Variants in SHROOM3 observed in about 807,000 individuals in gnomAD.
SHROOM3 encodes the protein shroom family member 3.
A neutral mutation model predicts 138.6 loss-of-function variants in SHROOM3; 47 were observed. The ratio of observed to expected loss-of-function variants is 0.34; its 90% confidence interval spans 0.27 to 0.43. The LOEUF (loss-of-function observed/expected upper bound fraction) is 0.43, where lower values mean the gene tolerates loss of function less well. Among genes scored for constraint, SHROOM3 ranks in the 20% least tolerant of loss-of-function variants. The pLI is 1.00. For synonymous variants in SHROOM3, 1,062 were observed against 1,063.3 expected, an observed-to-expected ratio of 1.00 and a Z score of 0.02; for missense variants, 2,491 against 2,596.5, an observed-to-expected ratio of 0.96 and a Z score of 0.88.
intron 2 of SHROOM3, among the ~76,000 whole-genome samples, chr4:76,593,659 C>T (rs1437978377): frequency 1.3e-5 from 2 of 152,160 alleles, no homozygotes; most frequent in Middle Eastern, 3.2e-3. Flanking sequence ...AACTTGACTT[C>T]TAAGATCCCT....
At chr4:76,467,955 C>T (rs1359083319) in intron 1 of SHROOM3, among the ~76,000 whole-genome samples, 2 of 152,168 alleles carry the variant, frequency 1.3e-5, no homozygotes, top group Non-Finnish European at 2.9e-5. Context: ...AAACTAGCTC[C>T]ATTATTCTAG....
chr4:76,636,920 T>C (rs1735513688), intron 2 of SHROOM3, among the ~76,000 whole-genome samples: 1 of 152,230 alleles, frequency 6.6e-6, no homozygotes, highest in Non-Finnish European at 1.5e-5. Context: ...AGTTCACATT[T>C]ATTTCAATGA....
rs1721266625 is a variant in SHROOM3, at chr4:76,741,812, G to A, written c.3639G>A (p.Gly1213=). Reference sequence around the variant, plus strand: ...CCCCCAGGGAGCCATCCTCCTGGGGGGCCAGGGCCGGGAAGTCCATGTCGG... The same window carrying A: ...CCCCCAGGGAGCCATCCTCCTGGGGAGCCAGGGCCGGGAAGTCCATGTCGG... ...DETPREPSSW[G]ARAGKSMSAE... is the part of the protein sequence containing the mutation. Residue 1213 remains glycine, a synonymous_variant, in exon 5 of 11, where the codon GGG becomes GGA. Transcript: ENST00000296043. This position sits in a 1 kb window ranked among gnomAD's most constrained non-coding sequence, Gnocchi z 6.2. The A allele has an allele frequency of 6.3e-7, 1 of 1,588,208 alleles. No homozygotes were observed. The highest frequency in any genetic ancestry group is 8.6e-7 in the Non-Finnish European group (1 of 1,167,928).
chr4:76,774,921 T>C (rs1300678640), intron 10 of SHROOM3, among the ~76,000 whole-genome samples: 4 of 152,114 alleles, frequency 2.6e-5, no homozygotes, highest in Non-Finnish European at 5.9e-5. Context: ...AGTGATCTTA[T>C]TTCTTGATTG....
intron 1 of SHROOM3, among the ~76,000 whole-genome samples, chr4:76,474,094 A>T (rs1731433916): frequency 6.6e-6 from 1 of 152,272 alleles, no homozygotes; most frequent in African/African-American, 2.4e-5. Flanking sequence ...CATTGATGAA[A>T]TATTATTCAG....
intron 3 of SHROOM3, among the ~76,000 whole-genome samples, chr4:76,713,623 A>G (rs1430835020): frequency 6.6e-6 from 1 of 152,258 alleles, no homozygotes; most frequent in Non-Finnish European, 1.5e-5. Flanking sequence ...TAGTAAATAC[A>G]TAAGCCAGTA....
chr4:76,634,732 T>G, intron 2 of SHROOM3, among the ~76,000 whole-genome samples: 1 of 152,336 alleles, frequency 6.6e-6, no homozygotes, highest in Non-Finnish European at 1.5e-5. Context: ...CACTTGTTCT[T>G]TGAAGGGTGA....
chr4:76,772,867 G>A (rs997696224), intron 10 of SHROOM3, among the ~76,000 whole-genome samples: 7 of 152,148 alleles, frequency 4.6e-5, no homozygotes, highest in African/African-American at 1.2e-4. Context: ...CTTCTCAGGT[G>A]GGGGAGCGTA....
chr4:76,478,940 A>G (rs1423368514), intron 1 of SHROOM3, among the ~76,000 whole-genome samples: 4 of 152,182 alleles, frequency 2.6e-5, no homozygotes, highest in Non-Finnish European at 4.4e-5. Flanking sequence ...ATCAACATCA[A>G]CAAAAAGGAT....
rs1720457556 is a variant in SHROOM3, at chr4:76,718,974, G to C, written c.455+8687G>C. On this transcript the variant is annotated intron_variant, in intron 3 of 10. Coordinates refer to ENST00000296043, the MANE Select transcript of SHROOM3 (RefSeq NM_020859.4). The stretch of plus-strand genomic sequence containing the variant: ...ATTAAGGAGGAAGGTTTCCTGCTTA[G>C]GGGTAGCCTTCTCCGGGCACTCAGC... Among the ~76,000 whole-genome samples the C allele has an allele frequency of 1.3e-5, 2 of 152,150 alleles. 1 individual carries two copies. Among genetic ancestry groups the C allele is most frequent in the South Asian group, 4.1e-4 (2 of 4,828 alleles).
intron 2 of SHROOM3, among the ~76,000 whole-genome samples, chr4:76,584,454 C>T (rs1410285568): frequency 6.6e-6 from 1 of 152,158 alleles, no homozygotes; most frequent in African/African-American, 2.4e-5. Context: ...GAATCTGGAG[C>T]AGAGTGGATC....
intron 10 of SHROOM3, among the ~76,000 whole-genome samples, chr4:76,773,175 G>T (rs1722423143): frequency 6.6e-6 from 1 of 152,058 alleles, no homozygotes. Context: ...AGGAGTTCAA[G>T]ACCAGCCTGG....
At position 76,739,152 on chromosome 4, in the gene SHROOM3, G is replaced by C; in HGVS notation, c.979G>C (p.Ala327Pro). The change falls in exon 5 of 11, where the codon GCC becomes CCC. Residue 327 changes from alanine (A) to proline (P), a missense_variant. Physicochemically the swap from Ala to Pro is conservative, Grantham distance 27 (BLOSUM62 -1). Transcript: ENST00000296043. ...AGCAGAGTATGAGGTGAACTCTTCA[G>C]CCCTGCTGCTTCAAGGTAGGGAGGC... ...VSAEYEVNSS[A>P]LLLQGREARA... The C allele has an allele frequency of 6.2e-7, 1 of 1,614,194 alleles. No homozygotes were observed. Among genetic ancestry groups the C allele is most frequent in the Non-Finnish European group, 8.5e-7 (1 of 1,180,022 alleles).
intron 2 of SHROOM3, among the ~76,000 whole-genome samples, chr4:76,640,044 T>A (rs1248142830): frequency 4.6e-5 from 7 of 152,238 alleles, no homozygotes; most frequent in African/African-American, 1.7e-4. Flanking sequence ...AGATTTTAGC[T>A]CCTCTCTTGT....
At chr4:76,493,782 C>T (rs186781032) in intron 1 of SHROOM3, among the ~76,000 whole-genome samples, 2 of 152,248 alleles carry the variant, frequency 1.3e-5, no homozygotes, top group Non-Finnish European at 2.9e-5. Flanking sequence ...AGTTCGAGAC[C>T]AGCCTGGCCA....
intron 1 of SHROOM3, among the ~76,000 whole-genome samples, chr4:76,546,383 C>G (rs1733218269): frequency 6.6e-6 from 1 of 152,134 alleles, no homozygotes; most frequent in Non-Finnish European, 1.5e-5. Context: ...ACCTCTGTAC[C>G]CTGTGGCACT....
At chr4:76,540,425 A>G (rs1167186348) in intron 1 of SHROOM3, among the ~76,000 whole-genome samples, 1 of 152,238 alleles carries the variant, frequency 6.6e-6, no homozygotes, top group Non-Finnish European at 1.5e-5. Flanking sequence ...CTAAAAAATC[A>G]TAAACTTTCT....
intron 1 of SHROOM3, among the ~76,000 whole-genome samples, chr4:76,515,682 A>G (rs1454426356): frequency 1.3e-5 from 2 of 152,204 alleles, no homozygotes; most frequent in Non-Finnish European, 2.9e-5. Context: ...GGTTTGCAGT[A>G]TCAGTCAGTG....
intron 2 of SHROOM3, among the ~76,000 whole-genome samples, chr4:76,557,046 C>A (rs1409888842): frequency 6.6e-6 from 1 of 152,144 alleles, no homozygotes; most frequent in East Asian, 1.9e-4. Flanking sequence ...AATTCCAGGG[C>A]TGTCACCTGT....
Sources: allele counts gnomAD v4.1 joint callset (sites outside exome capture counted in the v4.1 genomes callset), GRCh38; gene constraint gnomAD v4.1.1; non-coding constraint Gnocchi (gnomAD v3.1); transcripts MANE v1.5; gene names NCBI Gene and HGNC (gene_info 2026-07-23, HGNC 2026-07-21).